MAGEC3: variants seen among roughly 807,000 people sequenced by gnomAD.
MAGEC3 encodes MAGE family member C3.
A neutral mutation model predicts 35.3 loss-of-function variants in MAGEC3; 34 were observed. The observed-to-expected ratio is 0.96, with a 90% confidence interval of 0.73 to 1.28. The LOEUF is 1.28. MAGEC3 is among the 50% of genes most tolerant of loss of function. The pLI is 0.00. For synonymous variants in MAGEC3, 202 were observed against 185.6 expected, an observed-to-expected ratio of 1.09 and a Z score of -0.72; for missense variants, 561 against 483.6, an observed-to-expected ratio of 1.16 and a Z score of -1.50.
rs753588814 is a variant in MAGEC3, at chrX:141,895,475, G to A, written c.1049-10G>A. ...CAGAAGAAGCCCCGGTCTGCCCTGC[G>A]CTGCCATAGGACTTGCAGGCCACAG... On this transcript the variant is annotated splice_polypyrimidine_tract_variant and intron_variant, in intron 5 of 7. Transcript: ENST00000298296. 7 of 1,210,369 alleles carry A rather than the reference G, an allele frequency of 5.8e-6. No homozygotes were observed. The highest frequency in any genetic ancestry group is 3.0e-5 in the East Asian group (1 of 33,771).
intron 1 of MAGEC3, among the ~76,000 whole-genome samples, chrX:141,857,188 GA>G (rs987202363): frequency 1.8e-4 from 19 of 102,812 alleles, no homozygotes; most frequent in South Asian, 4.3e-4. Flanking sequence ...ATGTAATTGT[GA>G]AAAAAAAAAA....
In MAGEC3 at chrX:141,897,116, G is replaced by C. The variant is rs2018105662; in HGVS notation, c.1358G>C (p.Arg453Thr). The C allele has an allele frequency of 8.3e-7, 1 of 1,211,697 alleles. No homozygotes were observed. Among genetic ancestry groups the C allele is most frequent in the African/African-American group, 1.7e-5 (1 of 57,800 alleles). ...HALPESESLP[R>T]YALDEKVAEL... ...TTGCCAGAAAGTGAATCCTTGCCCA[G>C]GTATGCCCTGGATGAAAAGGTGGCT... is the stretch of plus-strand genomic sequence containing the variant. The change falls in exon 7 of 8, where the codon AGG (arginine) becomes ACG (threonine). Residue 453 changes from arginine to threonine, a missense_variant. Coordinates refer to ENST00000298296, the MANE Select transcript of MAGEC3 (RefSeq NM_138702.1).
chrX:141,849,510 A>C (rs1009412633), intron 1 of MAGEC3, among the ~76,000 whole-genome samples: 4 of 111,263 alleles, frequency 3.6e-5, no homozygotes, highest in African/African-American at 1.3e-4. Context: ...TATGCATCTA[A>C]CAAAGGTCTA....
chrX:141,838,841 G>A (rs1050819204), intron 1 of MAGEC3: 1 of 753,450 alleles, frequency 1.3e-6, no homozygotes, highest in East Asian at 1.5e-4. Flanking sequence ...CCCTGGGGCA[G>A]CAGTTCGTGC....
intron 1 of MAGEC3, among the ~76,000 whole-genome samples, chrX:141,850,387 T>A (rs188669663): frequency 4.9e-4 from 54 of 111,039 alleles, no homozygotes; most frequent in Non-Finnish European, 9.1e-4. Flanking sequence ...CTGAAATTTT[T>A]AAAAAAAGGT....
At chrX:141,881,854 G>A (rs1193641392) in intron 4 of MAGEC3, 58 bp downstream of exon 4, 2 of 1,189,255 alleles carry the variant, frequency 1.7e-6, no homozygotes, top group Admixed American at 2.2e-5. Flanking sequence ...TGTCACTAAA[G>A]TTTGAGTGCA....
chrX:141,873,956 C>T (rs1603068084), intron 2 of MAGEC3, among the ~76,000 whole-genome samples: 1 of 111,803 alleles, frequency 8.9e-6, no homozygotes, highest in African/African-American at 3.3e-5. Context: ...CACTTCCCAA[C>T]TTCAGGTCTT....
chrX:141,839,734 T>C (rs1399929086), intron 1 of MAGEC3: 1 of 745,596 alleles, frequency 1.3e-6, no homozygotes, highest in Non-Finnish European at 1.6e-6. Context: ...TTTCCCTGGA[T>C]CATTACTTAC....
chrX:141,867,794 AT>A (rs2017859018), intron 2 of MAGEC3, among the ~76,000 whole-genome samples: 1 of 112,138 alleles, frequency 8.9e-6, no homozygotes, highest in Admixed American at 9.5e-5. Context: ...ATAGTAAATA[AT>A]TTTTATTAAA....
chrX:141,877,539 G>C (rs5954453), intron 2 of MAGEC3, among the ~76,000 whole-genome samples: 3,650 of 111,180 alleles, frequency 0.033, 162 homozygotes, highest in African/African-American at 0.11. Context: ...GTCTAATCAT[G>C]CATGAATCAC....
chrX:141,843,640 T>C lies in MAGEC3; in HGVS notation c.123+5202T>C, dbSNP rs575097052. 9.9e-5 allele frequency among the ~76,000 whole-genome samples: 11 copies of C among 110,688 alleles called. No homozygotes were observed. In the South Asian group the frequency reaches 3.8e-3, roughly 38 times the overall value. ...AAATATCAGACATTCTCTTAAGAAA[T>C]TGAATGACTCAAGAGCAAAAACTTT... On this transcript the variant is annotated intron_variant, in intron 1 of 7. Transcript: ENST00000298296.
At chrX:141,897,584 C>T in intron 7 of MAGEC3, 45 bp from the exon 8 acceptor site, 2 of 1,196,289 alleles carry the variant, frequency 1.7e-6, no homozygotes, top group Non-Finnish European at 2.3e-6. Flanking sequence ...CGGGAGGTGC[C>T]CAACAGTGCT....
intron 2 of MAGEC3, among the ~76,000 whole-genome samples, chrX:141,872,729 T>A (rs1204517100): frequency 2.7e-5 from 3 of 109,616 alleles, no homozygotes; most frequent in Non-Finnish European, 5.7e-5. Context: ...GGAGCAAGGG[T>A]TAGGGAGTGA....
intron 2 of MAGEC3, among the ~76,000 whole-genome samples, chrX:141,877,736 TC>T (rs1464742141): frequency 1.2e-4 from 14 of 112,160 alleles, no homozygotes; most frequent in Admixed American, 6.6e-4. Context: ...TGTAGGTTTT[TC>T]ATGCATATCC....
At chrX:141,859,221 C>A (rs2017800360) in intron 1 of MAGEC3, among the ~76,000 whole-genome samples, 1 of 110,459 alleles carries the variant, frequency 9.1e-6, no homozygotes, top group Non-Finnish European at 1.9e-5. Context: ...AGATAGCTTT[C>A]CAAAAAGATT....
chrX:141,854,823 G>C (rs1371247845), intron 1 of MAGEC3, among the ~76,000 whole-genome samples: 2 of 111,568 alleles, frequency 1.8e-5, no homozygotes, highest in African/African-American at 3.3e-5. Context: ...GGAAAGAGTT[G>C]GTCTCTTTTG....
At chrX:141,867,917 TC>T (rs1203459408) in intron 2 of MAGEC3, among the ~76,000 whole-genome samples, 1 of 111,712 alleles carries the variant, frequency 9.0e-6, no homozygotes, top group African/African-American at 3.3e-5. Context: ...GGTCAGGAGA[TC>T]CAGACCATCC....
intron 1 of MAGEC3, among the ~76,000 whole-genome samples, chrX:141,858,171 A>C (rs1328775529): frequency 9.0e-6 from 1 of 111,535 alleles, no homozygotes; most frequent in Non-Finnish European, 1.9e-5. Context: ...ATAAAGAACA[A>C]TATCATTAAA....
At chrX:141,891,312 A>C (rs1175867657) in intron 4 of MAGEC3, among the ~76,000 whole-genome samples, 2 of 111,601 alleles carry the variant, frequency 1.8e-5, no homozygotes, top group East Asian at 5.6e-4. Context: ...AATTCGGCCC[A>C]TAACACCCTG....
Sources: allele counts gnomAD v4.1 joint callset (sites outside exome capture counted in the v4.1 genomes callset), GRCh38; gene constraint gnomAD v4.1.1; transcripts MANE v1.5; gene names NCBI Gene and HGNC (gene_info 2026-07-23, HGNC 2026-07-21).